PDK2: variants seen among roughly 807,000 people sequenced by gnomAD.
PDK2 encodes pyruvate dehydrogenase kinase, isozyme 2.
Under a neutral mutation model 50.4 loss-of-function variants are expected in PDK2, and 34 were observed. The observed-to-expected ratio is 0.68, with a 90% CI of 0.51 to 0.90. The LOEUF is 0.90. Among genes scored for constraint, PDK2 ranks in the 40% least tolerant of loss-of-function variants. The probability of loss-of-function intolerance (pLI) is 0.00; values close to 1 mark genes in which losing one functional copy is unlikely to be tolerated. For missense variants in PDK2, 377 were observed against 544.5 expected (o/e 0.69, Z 3.06); for synonymous variants, 232 against 216.0 (o/e 1.07, Z -0.65).
Position 50,110,154 on chromosome 17 carries a change from C to T in PDK2, c.*57C>T, listed in dbSNP as rs916779669. On this transcript the variant is annotated 3_prime_UTR_variant, in exon 11 of 11. Transcript: ENST00000503176. ...GACTGCCGCCTCTGGGTCCCCCCAC[C>T]GTGGTGCCCCTCACCATCCTCCTGG... The T allele has an allele frequency of 2.3e-5, 35 of 1,503,980 alleles. No individual in the cohort carries two copies. Among genetic ancestry groups the T allele is most frequent in the African/African-American group, 9.6e-5 (7 of 72,630 alleles). The allele number at this position is 1,503,980 out of a possible 1,614,324, so 93.2% of individuals were successfully genotyped here. A position where few individuals can be genotyped will look rare whatever the true frequency, so the allele number is the denominator to read the frequency against.
At chr17:50,108,478 G>A (rs370992203) in intron 8 of PDK2, 61 bp downstream of exon 8, 11 of 1,455,342 alleles carry the variant, frequency 7.6e-6, no homozygotes, top group African/African-American at 7.0e-5. Context: ...CTCCTGCCAG[G>A]AGACGGGCTT....
intron 1 of PDK2, chr17:50,096,314 G>T: frequency 2.0e-6 from 2 of 985,248 alleles, no homozygotes; most frequent in African/African-American, 1.7e-5. Flanking sequence ...CCAGCAACCT[G>T]GGGGTGGCCC....
intron 7 of PDK2, 36 bp downstream of exon 7, chr17:50,108,268 G>A (rs573700397): frequency 3.1e-5 from 50 of 1,605,060 alleles, no homozygotes; most frequent in South Asian, 1.4e-4. Context: ...TGCGGGGAGC[G>A]TGAGTAGGGC....
intron 2 of PDK2, chr17:50,104,459 C>G (rs1337426166): frequency 6.6e-6 from 1 of 152,306 alleles, no homozygotes; most frequent in Non-Finnish European, 1.5e-5. Flanking sequence ...CCATGTTGGC[C>G]AGGCTGGTCT....
At chr17:50,106,743 G>A (rs779989691) in intron 4 of PDK2, 51 bp from the exon 5 acceptor site, 7 of 1,458,186 alleles carry the variant, frequency 4.8e-6, no homozygotes, top group South Asian at 3.4e-5. Flanking sequence ...AAGAGGGAGC[G>A]CTGGGACAGA....
chr17:50,099,568 C>T (rs1030795359), intron 2 of PDK2, among the ~76,000 whole-genome samples: 16 of 152,016 alleles, frequency 1.1e-4, no homozygotes, highest in African/African-American at 3.1e-4. Context: ...CCGAGGCGGG[C>T]GGATCACAAG....
chr17:50,109,405 G>T lies in PDK2; in HGVS notation c.1083+5G>T, dbSNP rs1910704597. The T allele has an allele frequency of 1.9e-6, 3 of 1,586,410 alleles. No homozygotes were observed. Among genetic ancestry groups the T allele is most frequent in the Non-Finnish European group, 2.6e-6 (3 of 1,157,338 alleles). ...GATGCTGTCATCTATCTCAAGGTGA[G>T]GGCCCTTCCCGCAGAGCCCAGCTGG... On this transcript the variant is annotated splice_donor_5th_base_variant and intron_variant, in intron 10 of 10. Coordinates refer to ENST00000503176, the MANE Select transcript of PDK2 (RefSeq NM_002611.5). The surrounding 1 kb of genome is among the most constrained non-coding windows in gnomAD (Gnocchi z 5.0).
chr17:50,096,396 G>A (rs1909949899), intron 1 of PDK2: 10 of 690,406 alleles, frequency 1.4e-5, no homozygotes, highest in Middle Eastern at 7.3e-4. Context: ...TGTCTATGTG[G>A]TATTTCCATG....
chr17:50,109,421 G>C lies in PDK2; in HGVS notation c.1083+21G>C. 2 of 1,531,758 alleles carry C rather than the reference G, an allele frequency of 1.3e-6. No individual in the cohort carries two copies. Among genetic ancestry groups the C allele is most frequent in the African/African-American group, 1.4e-5 (1 of 73,106 alleles). The allele number at this position is 1,531,758 out of a possible 1,614,324, so 94.9% of individuals were successfully genotyped here. A position where few individuals can be genotyped will look rare whatever the true frequency, so the allele number is the denominator to read the frequency against. ...TCAAGGTGAGGGCCCTTCCCGCAGAGCCCAGCTGGAGAAGAGCTTTGCTGA... is the reference window on the plus strand; with the variant it reads ...TCAAGGTGAGGGCCCTTCCCGCAGACCCCAGCTGGAGAAGAGCTTTGCTGA... On this transcript the variant is annotated intron_variant, in intron 10 of 10. Transcript: ENST00000503176. This position sits in a 1 kb window ranked among gnomAD's most constrained non-coding sequence, Gnocchi z 5.0.
chr17:50,109,824 G>A lies in PDK2; in HGVS notation c.1084-133G>A. The A allele has an allele frequency of 3.0e-6, 3 of 995,584 alleles. No individual in the cohort carries two copies. Among genetic ancestry groups the A allele is most frequent in the South Asian group, 4.0e-5 (2 of 49,872 alleles). The allele number at this position is 995,584 out of a possible 1,614,324, so 61.7% of individuals were successfully genotyped here. On this transcript the variant is annotated intron_variant, in intron 10 of 10. Transcript: ENST00000503176. This position sits in a 1 kb window ranked among gnomAD's most constrained non-coding sequence, Gnocchi z 5.0. ...AATGGGCAGGAGCGGGACACAGGAG[G>A]GACCACCCTTTTGTGGTCTTTCCAG...
chr17:50,108,005 T>C (rs1268871277), intron 6 of PDK2, 151 bp from the exon 7 acceptor site: 3 of 661,016 alleles, frequency 4.5e-6, no homozygotes, highest in Non-Finnish European at 2.7e-6. Flanking sequence ...AGTCACCAGC[T>C]ACCCCAGCTC....
At chr17:50,106,635 G>A in intron 4 of PDK2, 159 bp from the exon 5 acceptor site, 1 of 665,534 alleles carries the variant, frequency 1.5e-6, no homozygotes, top group Non-Finnish European at 2.7e-6. Context: ...TCAGGGGTCA[G>A]GGAAGGGAGG....
chr17:50,105,662 A>AC (rs1331317448), intron 3 of PDK2, among the ~76,000 whole-genome samples: 2 of 152,126 alleles, frequency 1.3e-5, no homozygotes, highest in Non-Finnish European at 2.9e-5. Context: ...GGTGGGCAAG[A>AC]CCCAGGCCCT....
At chr17:50,099,238 C>G (rs891357170) in intron 2 of PDK2, among the ~76,000 whole-genome samples, 5 of 152,144 alleles carry the variant, frequency 3.3e-5, no homozygotes, top group African/African-American at 1.2e-4. Flanking sequence ...GCCTCTCCAC[C>G]TGGTCCCTGA....
rs1365265267 is a variant in PDK2 at position 50,101,156 on chromosome 17, C to T, written c.260+3592C>T. The T allele has an allele frequency of 6.6e-6, 1 of 152,160 alleles. No homozygotes were observed. The highest frequency in any genetic ancestry group is 2.4e-5 in the African/African-American group (1 of 41,424). 9.4% of individuals were successfully genotyped at this position (152,160 alleles called of 1,614,324 possible). A position where few individuals can be genotyped will look rare whatever the true frequency, so the allele number is the denominator to read the frequency against. ...AGGTGGGAGGCGATATGGCCGGCAC[C>T]TTCGCACAAACCTCCCTTGCCCGTC... On this transcript the variant is annotated intron_variant, in intron 2 of 10. Transcript: ENST00000503176. This position sits in a 1 kb window ranked among gnomAD's most constrained non-coding sequence, Gnocchi z 4.2.
chr17:50,108,823 G>T, intron 9 of PDK2, 104 bp downstream of exon 9: 1 of 718,026 alleles, frequency 1.4e-6, no homozygotes, highest in East Asian at 2.7e-5. Flanking sequence ...GGCCGTCTGT[G>T]ACAGTCACCT....
intron 4 of PDK2, chr17:50,106,277 T>C: frequency 7.4e-7 from 1 of 1,348,628 alleles, no homozygotes; most frequent in Non-Finnish European, 9.7e-7. Flanking sequence ...CAAAACGTTT[T>C]GTTTTCAGTG....
chr17:50,097,606 C>T (rs773955125), intron 2 of PDK2, 42 bp downstream of exon 2: 1 of 1,603,178 alleles, frequency 6.2e-7, no homozygotes, highest in Admixed American at 1.7e-5. Flanking sequence ...CACTCCATCG[C>T]CAGTGTCCCT....
rs139205712 is a variant in PDK2, at chr17:50,106,858, C to T, written c.582C>T (p.Asn194=). ...HPKHIGSIDP[N]CNVSEVVKDA... ...AACACATCGGCAGCATCGACCCCAACTGCAACGTCTCTGAGGTGGTCAAAG... is the reference window on the plus strand; with the variant it reads ...AACACATCGGCAGCATCGACCCCAATTGCAACGTCTCTGAGGTGGTCAAAG... The change falls in exon 5 of 11, where the codon AAC becomes AAT. Residue 194 remains asparagine, a synonymous_variant. Coordinates refer to ENST00000503176, the MANE Select transcript of PDK2 (RefSeq NM_002611.5). The T allele has an allele frequency of 3.9e-4, 632 of 1,614,122 alleles. 1 individual carries two copies. The African/African-American group carries it at 7.6e-3, about 20-fold the overall frequency.
Sources: gnomAD v4.1 joint callset for allele counts (sites outside exome capture counted in the v4.1 genomes callset) on GRCh38, gnomAD v4.1.1 for gene constraint, Gnocchi (gnomAD v3.1) non-coding constraint, MANE v1.5 for transcripts, NCBI Gene and HGNC (gene_info 2026-07-23, HGNC 2026-07-21) for gene names.